The following TBC1D2B variants were observed in gnomAD, a reference collection of about 807,000 sequenced individuals.
TBC1D2B encodes TBC1 domain family, member 2B.
A neutral mutation model predicts 100.8 loss-of-function variants in TBC1D2B; 64 were observed. That is an observed-to-expected ratio of 0.64 (90% CI 0.52 to 0.78). The LOEUF is 0.78. Among genes scored for constraint, TBC1D2B ranks in the 30% least tolerant of loss-of-function variants. The pLI, the probability that TBC1D2B is intolerant of heterozygous loss-of-function variation, is 0.00. For missense variants in TBC1D2B, 1,052 were observed against 1,218.4 expected, an observed-to-expected ratio of 0.86 and a Z score of 2.03; for synonymous variants, 480 against 479.7, an observed-to-expected ratio of 1.00 and a Z score of -0.01.
intron 1 of TBC1D2B, among the ~76,000 whole-genome samples, chr15:78,072,638 T>C (rs1008493516): frequency 2.6e-5 from 4 of 152,206 alleles, no homozygotes; most frequent in Non-Finnish European, 5.9e-5. Context: ...CCAGTACACA[T>C]GTCTATTTAG....
intron 1 of TBC1D2B, among the ~76,000 whole-genome samples, chr15:78,062,055 C>T (rs189998190): frequency 1.1e-4 from 17 of 152,228 alleles, no homozygotes; most frequent in Admixed American, 4.6e-4. Context: ...CAAGACCGAG[C>T]CCAAAACTGA....
Position 78,017,844 on chromosome 15 carries a change from C to T in TBC1D2B, c.1581+3G>A. On this transcript the variant is annotated splice_donor_region_variant and intron_variant, in intron 7 of 12. Coordinates refer to ENST00000300584, the MANE Select transcript of TBC1D2B (RefSeq NM_144572.2). ...GTAATAGAATCCACCTATCCTGACC[C>T]ACCTTTGCCATCAGATCCCTCTCTC... The T allele has an allele frequency of 1.9e-6, 3 of 1,599,190 alleles. No homozygotes were observed. The highest frequency in any genetic ancestry group is 2.7e-5 in the African/African-American group (2 of 74,600).
chr15:78,018,783 C>T (rs1444999420), intron 6 of TBC1D2B, among the ~76,000 whole-genome samples: 2 of 152,222 alleles, frequency 1.3e-5, no homozygotes, highest in Non-Finnish European at 2.9e-5. Flanking sequence ...TCATGTAAAA[C>T]ACTGAAAATG....
At chr15:78,000,314 C>T (rs2071878029) in intron 12 of TBC1D2B, among the ~76,000 whole-genome samples, 1 of 152,216 alleles carries the variant, frequency 6.6e-6, no homozygotes, top group Non-Finnish European at 1.5e-5. Context: ...ACCAGAGCCA[C>T]GCCCACTCAC....
Position 78,068,383 on chromosome 15 carries a change from CCACACACACA to C in TBC1D2B, c.360+8900_360+8909del, listed in dbSNP as rs35403620. Among the ~76,000 whole-genome samples the C allele has an allele frequency of 1.1e-3, 162 of 143,108 alleles. 1 individual carries two copies. The highest frequency in any genetic ancestry group is 6.3e-3 in the South Asian group (28 of 4,420). The allele number at this position is 143,108 out of a possible 152,430, so 93.9% of individuals were successfully genotyped here. ...TGAAATGAAAGCACACACACCACAC[CCACACACACA>C]CACACACACACACACACACACACAC... On this transcript the variant is annotated intron_variant, in intron 1 of 12. Coordinates refer to ENST00000300584, the MANE Select transcript of TBC1D2B (RefSeq NM_144572.2).
chr15:78,014,732 A>C (rs1253603563), intron 8 of TBC1D2B, among the ~76,000 whole-genome samples: 1 of 152,258 alleles, frequency 6.6e-6, no homozygotes, highest in African/African-American at 2.4e-5. Context: ...TCTTAAAAAA[A>C]ATAGCTCAGG....
At chr15:78,065,735 T>C (rs2073642433) in intron 1 of TBC1D2B, among the ~76,000 whole-genome samples, 1 of 151,966 alleles carries the variant, frequency 6.6e-6, no homozygotes, top group South Asian at 2.1e-4. Flanking sequence ...CTGCTTGATG[T>C]TTTTCAACTA....
Position 78,076,209 on chromosome 15 carries a change from C to T in TBC1D2B, c.360+1084G>A, listed in dbSNP as rs569710189. Among the ~76,000 whole-genome samples the T allele has an allele frequency of 3.3e-5, 5 of 152,332 alleles. 1 individual carries two copies. The East Asian group carries it at 9.6e-4, about 29-fold the overall frequency. On this transcript the variant is annotated intron_variant, in intron 1 of 12. Transcript: ENST00000300584. ...CCTTTCAGCACCAGGACTCCTGACT[C>T]TACTCTCCTGCTTCTACACTGTATC... is the stretch of plus-strand genomic sequence containing the variant.
intron 2 of TBC1D2B, among the ~76,000 whole-genome samples, chr15:78,046,551 C>T (rs577135128): frequency 6.6e-6 from 1 of 152,082 alleles, no homozygotes; most frequent in African/African-American, 2.4e-5. Flanking sequence ...ACTGCAGCCT[C>T]AACCTCCCAG....
intron 1 of TBC1D2B, among the ~76,000 whole-genome samples, chr15:78,066,988 A>G (rs2073668635): frequency 6.6e-6 from 1 of 152,246 alleles, no homozygotes; most frequent in Admixed American, 6.5e-5. Context: ...TCTGTGCCCC[A>G]ACACAAAATG....
Position 78,034,450 on chromosome 15 carries a change from A to AT in TBC1D2B, c.684-4281dup, listed in dbSNP as rs969539792. 2.4e-5 allele frequency: 23 copies of AT among 977,170 alleles called. No homozygotes were observed. In the African/African-American group the frequency reaches 3.5e-4, roughly 15 times the overall value. 60.5% of individuals were successfully genotyped at this position (977,170 alleles called of 1,614,324 possible). A position where few individuals can be genotyped will look rare whatever the true frequency, so the allele number is the denominator to read the frequency against. ...TGGCATGTGACTACCACCACCGTCA[A>AT]TTTTAGGAGTTAAATTCTCCTTACC... On this transcript the variant is annotated intron_variant, in intron 3 of 12. Transcript: ENST00000300584.
chr15:78,063,016 T>G (rs1466485361), intron 1 of TBC1D2B, among the ~76,000 whole-genome samples: 1 of 152,178 alleles, frequency 6.6e-6, no homozygotes, highest in Non-Finnish European at 1.5e-5. Context: ...GGAACCTACT[T>G]CATGGTATTG....
intron 6 of TBC1D2B, among the ~76,000 whole-genome samples, chr15:78,019,174 A>G (rs555931447): frequency 6.6e-6 from 1 of 152,174 alleles, no homozygotes; most frequent in Non-Finnish European, 1.5e-5. Context: ...CCCCCATAAA[A>G]TGCAGAAGAA....
chr15:78,036,679 G>A (rs965719568), intron 3 of TBC1D2B, among the ~76,000 whole-genome samples: 2 of 152,190 alleles, frequency 1.3e-5, no homozygotes, highest in Admixed American at 6.5e-5. Flanking sequence ...GCCTAGTGAA[G>A]CTGAGTTTGA....
intron 1 of TBC1D2B, among the ~76,000 whole-genome samples, chr15:78,056,717 T>TTG (rs2073432217): frequency 1.1e-5 from 1 of 88,308 alleles, no homozygotes; most frequent in African/African-American, 3.8e-5. Context: ...TTTTTTTTTT[T>TTG]GCAGATGAGG....
chr15:78,026,324 G>A (rs2072667917), intron 4 of TBC1D2B, among the ~76,000 whole-genome samples: 1 of 152,116 alleles, frequency 6.6e-6, no homozygotes, highest in Admixed American at 6.5e-5. Context: ...TATCACCAGG[G>A]TGGGTTAGTT....
At chr15:78,077,204 G>C (rs753798164) in intron 1 of TBC1D2B, 89 bp downstream of exon 1, 23 of 1,385,654 alleles carry the variant, frequency 1.7e-5, no homozygotes, top group Non-Finnish European at 1.0e-5. Context: ...GGAGGCCTTG[G>C]AGGAAGGAGG....
chr15:78,074,834 A>C (rs1248340767), intron 1 of TBC1D2B, among the ~76,000 whole-genome samples: 2 of 152,238 alleles, frequency 1.3e-5, no homozygotes, highest in African/African-American at 4.8e-5. Context: ...ATCCACGTTG[A>C]CACCTATAGC....
intron 11 of TBC1D2B, among the ~76,000 whole-genome samples, chr15:78,002,175 G>GT (rs1162599119): frequency 4.6e-5 from 7 of 151,974 alleles, no homozygotes; most frequent in Non-Finnish European, 1.0e-4. Flanking sequence ...TAGCGAAGGA[G>GT]TTTTTTTTAA....
Sources: gnomAD v4.1 joint callset for allele counts (sites outside exome capture counted in the v4.1 genomes callset) on GRCh38, gnomAD v4.1.1 for gene constraint, MANE v1.5 for transcripts, NCBI Gene and HGNC (gene_info 2026-07-23, HGNC 2026-07-21) for gene names.